SGCZ: variants seen among roughly 807,000 people sequenced by gnomAD.
SGCZ encodes the protein sarcoglycan zeta, also known as zeta-sarcoglycan.
A neutral mutation model predicts 41.3 loss-of-function variants in SGCZ; 40 were observed. That is an observed-to-expected ratio of 0.97 (90% confidence interval 0.75 to 1.26). The LOEUF (loss-of-function observed/expected upper bound fraction) is 1.26. SGCZ is among the 50% of genes most tolerant of loss of function. The probability of loss-of-function intolerance (pLI) is 0.00; values close to 1 mark genes in which losing one functional copy is unlikely to be tolerated. For synonymous variants in SGCZ, 206 were observed against 137.5 expected (o/e 1.50, Z -3.49); for missense variants, 552 against 369.8 (o/e 1.49, Z -4.04).
chr8:14,404,272 A>G (rs1033938801), intron 2 of SGCZ, among the ~76,000 whole-genome samples: 2 of 152,226 alleles, frequency 1.3e-5, no homozygotes, highest in Admixed American at 6.5e-5. Flanking sequence ...AAACTGTGCT[A>G]GAAAATCTTT....
At chr8:15,232,185 A>G (rs1345656893) in intron 1 of SGCZ, among the ~76,000 whole-genome samples, 1 of 152,234 alleles carries the variant, frequency 6.6e-6, no homozygotes, top group Non-Finnish European at 1.5e-5. Flanking sequence ...ATTTTAGCTG[A>G]AATTCTGAGA....
intron 1 of SGCZ, among the ~76,000 whole-genome samples, chr8:14,840,383 T>C (rs559208803): frequency 1.1e-4 from 16 of 152,258 alleles, no homozygotes; most frequent in African/African-American, 3.4e-4. Context: ...TGAATTCACA[T>C]TGATTTATTT....
chr8:14,420,300 A>G (rs1218425388), intron 2 of SGCZ, among the ~76,000 whole-genome samples: 1 of 152,062 alleles, frequency 6.6e-6, no homozygotes, highest in Non-Finnish European at 1.5e-5. Context: ...CACATTTTAT[A>G]TTATAACTTA....
intron 1 of SGCZ, among the ~76,000 whole-genome samples, chr8:15,189,603 C>T (rs930552743): frequency 1.3e-5 from 2 of 151,984 alleles, no homozygotes; most frequent in African/African-American, 4.8e-5. Flanking sequence ...CTCTATTGCC[C>T]AGGCTAGAGC....
chr8:14,583,533 G>T (rs1473090761), intron 1 of SGCZ, among the ~76,000 whole-genome samples: 3 of 151,920 alleles, frequency 2.0e-5, no homozygotes, highest in African/African-American at 4.8e-5. Context: ...GTCAATTTTG[G>T]CTTTTGTTGC....
intron 1 of SGCZ, among the ~76,000 whole-genome samples, chr8:15,182,733 A>G (rs1585648759): frequency 6.6e-6 from 1 of 152,336 alleles, no homozygotes; most frequent in African/African-American, 2.4e-5. Flanking sequence ...GTACACTTAA[A>G]GTACACAAAA....
At chr8:14,824,997 C>T (rs1802249770) in intron 1 of SGCZ, among the ~76,000 whole-genome samples, 1 of 152,058 alleles carries the variant, frequency 6.6e-6, no homozygotes, top group Non-Finnish European at 1.5e-5. Context: ...CCTAAATTAG[C>T]AGAGTCCCAA....
intron 1 of SGCZ, among the ~76,000 whole-genome samples, chr8:14,794,060 C>T (rs113746033): frequency 6.0e-4 from 92 of 152,126 alleles, no homozygotes; most frequent in African/African-American, 2.0e-3. Context: ...ATATAGAAAC[C>T]ACTGTTCCTC....
intron 4 of SGCZ, among the ~76,000 whole-genome samples, chr8:14,207,502 A>G (rs1805655785): frequency 6.6e-6 from 1 of 152,200 alleles, no homozygotes; most frequent in African/African-American, 2.4e-5. Context: ...ACATTTTTCT[A>G]AATGCTAGTC....
chr8:14,293,713 G>C (rs1407925645), intron 3 of SGCZ, among the ~76,000 whole-genome samples: 1 of 151,828 alleles, frequency 6.6e-6, no homozygotes, highest in Non-Finnish European at 1.5e-5. Context: ...TTAAATTACA[G>C]GGGAATTATT....
At chr8:14,350,375 T>C (rs760131350) in intron 2 of SGCZ, among the ~76,000 whole-genome samples, 38 of 152,140 alleles carry the variant, frequency 2.5e-4, no homozygotes, top group Non-Finnish European at 5.1e-4. Flanking sequence ...AGTATGCTTT[T>C]TCAAGTATTT....
chr8:15,183,995 A>T (rs1420479047), intron 1 of SGCZ, among the ~76,000 whole-genome samples: 1 of 152,226 alleles, frequency 6.6e-6, no homozygotes, highest in African/African-American at 2.4e-5. Flanking sequence ...TGTACAAACT[A>T]CTTAGATACT....
intron 1 of SGCZ, among the ~76,000 whole-genome samples, chr8:14,558,103 T>C (rs189343442): frequency 1.3e-5 from 2 of 152,212 alleles, no homozygotes; most frequent in Admixed American, 1.3e-4. Context: ...ACAACCTTCC[T>C]AGTTTAATTC....
intron 2 of SGCZ, among the ~76,000 whole-genome samples, chr8:14,417,833 C>A (rs1799537060): frequency 6.6e-6 from 1 of 151,644 alleles, no homozygotes; most frequent in African/African-American, 2.4e-5. Context: ...CATTATACAA[C>A]TTAAATATAT....
chr8:14,348,581 T>A (rs1802973692), intron 2 of SGCZ, among the ~76,000 whole-genome samples: 1 of 152,122 alleles, frequency 6.6e-6, no homozygotes, highest in Admixed American at 6.6e-5. Context: ...AGCCGAATGC[T>A]GGCATACAAC....
At chr8:14,347,928 G>C (rs7009975) in intron 2 of SGCZ, among the ~76,000 whole-genome samples, 2,178 of 152,202 alleles carry the variant, frequency 0.014, 50 homozygotes, top group African/African-American at 0.048. Context: ...TCTAAACTGA[G>C]AATATAGCAT....
intron 2 of SGCZ, among the ~76,000 whole-genome samples, chr8:14,395,071 T>C (rs1798871311): frequency 6.6e-6 from 1 of 152,180 alleles, no homozygotes; most frequent in South Asian, 2.1e-4. Context: ...TCAAATTAAA[T>C]AGGCAAAGTA....
intron 2 of SGCZ, among the ~76,000 whole-genome samples, chr8:14,328,799 C>T (rs115139292): frequency 0.011 from 1,678 of 152,264 alleles, 28 homozygotes; most frequent in African/African-American, 0.037. Flanking sequence ...GGCTTTAAGA[C>T]ATTATTAGGC....
chr8:14,510,605 T>G (rs1198403067), intron 2 of SGCZ, among the ~76,000 whole-genome samples: 1 of 152,132 alleles, frequency 6.6e-6, no homozygotes, highest in Non-Finnish European at 1.5e-5. Flanking sequence ...ATCATTCAGA[T>G]TTTGTGAGTA....
Sources: gnomAD v4.1 joint callset for allele counts (sites outside exome capture counted in the v4.1 genomes callset) on GRCh38, gnomAD v4.1.1 for gene constraint, MANE v1.5 for transcripts, NCBI Gene and HGNC (gene_info 2026-07-23, HGNC 2026-07-21) for gene names.